Variants in KDM4C observed in about 807,000 individuals in gnomAD.
The protein encoded by KDM4C is lysine-specific demethylase 4C.
KDM4C carries 81 observed loss-of-function variants against 129.3 expected under a neutral mutation model. The ratio of observed to expected loss-of-function variants is 0.63; its 90% confidence interval spans 0.52 to 0.75. The LOEUF is 0.75. KDM4C is among the 30% of genes least tolerant of loss of function. The pLI is 0.00. For synonymous variants in KDM4C, 573 were observed against 456.1 expected, an observed-to-expected ratio of 1.26 and a Z score of -3.26; for missense variants, 1,457 against 1,304.0, an observed-to-expected ratio of 1.12 and a Z score of -1.81.
At chr9:6,889,120 T>C (rs1845724312) in intron 7 of KDM4C, among the ~76,000 whole-genome samples, 2 of 152,102 alleles carry the variant, frequency 1.3e-5, no homozygotes, top group South Asian at 2.1e-4. Context: ...TTTCTTCTCA[T>C]AATCCTTGCT....
chr9:7,096,420 A>G (rs144350755), intron 17 of KDM4C, among the ~76,000 whole-genome samples: 1,923 of 152,324 alleles, frequency 0.013, 19 homozygotes, highest in Non-Finnish European at 0.02. Flanking sequence ...AAGCATCCAG[A>G]GGCTGGCTTG....
chr9:7,075,505 A>G (rs1833802968), intron 17 of KDM4C, among the ~76,000 whole-genome samples: 1 of 152,076 alleles, frequency 6.6e-6, no homozygotes, highest in Non-Finnish European at 1.5e-5. Context: ...AGTTTGTTGT[A>G]AAAAAGAGTC....
rs1747250681 is a variant in KDM4C at position 7,175,530 on chromosome 9, T to A, written c.*801T>A. On this transcript the variant is annotated 3_prime_UTR_variant, in exon 22 of 22. Coordinates refer to ENST00000381309, the MANE Select transcript of KDM4C (RefSeq NM_015061.6). ...TTCTTTCATTATGTGTTTGTAAAAT[T>A]AGAGTTTAAATAAATATGCTTTGAT... 6.6e-6 allele frequency: 1 copy of A among 152,666 alleles called. No individual in the cohort carries two copies. Among genetic ancestry groups the A allele is most frequent in the African/African-American group, 2.4e-5 (1 of 41,454 alleles). The allele number at this position is 152,666 out of a possible 1,614,324, so 9.5% of individuals were successfully genotyped here. A position where few individuals can be genotyped will look rare whatever the true frequency, so the allele number is the denominator to read the frequency against.
chr9:6,862,428 T>C (rs575027623), intron 5 of KDM4C, among the ~76,000 whole-genome samples: 1 of 152,362 alleles, frequency 6.6e-6, no homozygotes, highest in Non-Finnish European at 1.5e-5. Context: ...TTGCTTTGAA[T>C]AAAGTGCACT....
intron 15 of KDM4C, among the ~76,000 whole-genome samples, chr9:7,027,952 G>T (rs1826068784): frequency 1.3e-5 from 2 of 152,156 alleles, no homozygotes; most frequent in African/African-American, 4.8e-5. Flanking sequence ...TCAGTTTGTG[G>T]TGAATAGTGC....
At chr9:6,765,831 C>G (rs1394314886) in intron 1 of KDM4C, among the ~76,000 whole-genome samples, 1 of 152,142 alleles carries the variant, frequency 6.6e-6, no homozygotes, top group South Asian at 2.1e-4. Context: ...CTCTGTCACC[C>G]AGGCTGGAGT....
At chr9:7,045,082 T>TAA (rs921261530) in intron 15 of KDM4C, among the ~76,000 whole-genome samples, 13 of 152,006 alleles carry the variant, frequency 8.6e-5, no homozygotes, top group Admixed American at 5.2e-4. Flanking sequence ...TGGAGAATCT[T>TAA]AAAATCCATT....
At chr9:6,846,229 A>G (rs947618891) in intron 4 of KDM4C, among the ~76,000 whole-genome samples, 1 of 151,204 alleles carries the variant, frequency 6.6e-6, no homozygotes, top group Admixed American at 6.6e-5. Context: ...AAGGTCCAGG[A>G]GTCAGATAGA....
At chr9:6,925,065 C>T in intron 8 of KDM4C, 1 of 985,308 alleles carries the variant, frequency 1.0e-6, no homozygotes. Context: ...TTCAACGAAA[C>T]ATGCATCCTT....
At chr9:7,122,726 C>T (rs1004224926) in intron 18 of KDM4C, among the ~76,000 whole-genome samples, 1 of 152,106 alleles carries the variant, frequency 6.6e-6, no homozygotes, top group African/African-American at 2.4e-5. Context: ...GGCCATGTCC[C>T]CAGCATCTCT....
intron 17 of KDM4C, among the ~76,000 whole-genome samples, chr9:7,092,544 G>C (rs1180703754): frequency 6.6e-6 from 1 of 152,022 alleles, no homozygotes; most frequent in East Asian, 1.9e-4. Context: ...TACCACTTTG[G>C]CCTCACAGTT....
chr9:6,742,681 A>T (rs377016481), intron 1 of KDM4C, among the ~76,000 whole-genome samples: 7 of 145,238 alleles, frequency 4.8e-5, no homozygotes, highest in Admixed American at 1.4e-4. Flanking sequence ...GGGGTGGGGA[A>T]TTTTTTTTTT....
chr9:6,908,028 T>G (rs182629463), intron 8 of KDM4C, among the ~76,000 whole-genome samples: 2 of 152,200 alleles, frequency 1.3e-5, no homozygotes, highest in Non-Finnish European at 2.9e-5. Context: ...AGGAATGGAT[T>G]TTCCTTATAA....
At chr9:7,130,415 G>C (rs1475919913) in intron 19 of KDM4C, among the ~76,000 whole-genome samples, 1 of 152,190 alleles carries the variant, frequency 6.6e-6, no homozygotes, top group Non-Finnish European at 1.5e-5. Context: ...AATCCTGCAA[G>C]TCTTTCCTTT....
chr9:6,918,466 G>A (rs138111707), intron 8 of KDM4C, among the ~76,000 whole-genome samples: 227 of 152,250 alleles, frequency 1.5e-3, no homozygotes, highest in African/African-American at 5.3e-3. Flanking sequence ...ATTGTGAATA[G>A]CACTGTGATG....
At chr9:6,856,858 C>A (rs183093606) in intron 5 of KDM4C, among the ~76,000 whole-genome samples, 1 of 150,568 alleles carries the variant, frequency 6.6e-6, no homozygotes, top group Non-Finnish European at 1.5e-5. Flanking sequence ...CCCGGGTTCA[C>A]GCCATTCTCC....
chr9:7,127,573 T>G (rs1042601099), intron 18 of KDM4C, among the ~76,000 whole-genome samples: 8 of 152,136 alleles, frequency 5.3e-5, no homozygotes, highest in African/African-American at 1.9e-4. Context: ...TAAAGAAGCC[T>G]AAAGAGGTGT....
At chr9:6,869,056 C>T (rs1276798205) in intron 5 of KDM4C, among the ~76,000 whole-genome samples, 1 of 151,968 alleles carries the variant, frequency 6.6e-6, no homozygotes, top group East Asian at 1.9e-4. Flanking sequence ...TCTGATCGCT[C>T]GGGGAATTAA....
chr9:6,869,453 C>G (rs1034493072), intron 5 of KDM4C, among the ~76,000 whole-genome samples: 1 of 152,180 alleles, frequency 6.6e-6, no homozygotes, highest in Non-Finnish European at 1.5e-5. Context: ...ACTGTTTTAG[C>G]TTAGATTACT....
Sources: allele counts gnomAD v4.1 joint callset (sites outside exome capture counted in the v4.1 genomes callset), GRCh38; gene constraint gnomAD v4.1.1; transcripts MANE v1.5; gene names NCBI Gene and HGNC (gene_info 2026-07-23, HGNC 2026-07-21).